GDA: variants seen among roughly 807,000 people sequenced by gnomAD.
GDA encodes cytoplasmic PSD-95 interactor.
In GDA, 18 loss-of-function variants were observed where a neutral mutation model predicts 59.6. That is an observed-to-expected ratio of 0.30 (90% CI 0.21 to 0.45). The LOEUF (loss-of-function observed/expected upper bound fraction) is 0.45, where lower values mean the gene tolerates loss of function less well. Ranked by LOEUF, GDA falls within the 20% of genes least tolerant of loss-of-function variation. The probability of loss-of-function intolerance (pLI) is 1.00; values close to 1 mark genes in which losing one functional copy is unlikely to be tolerated. For missense variants in GDA, 427 were observed against 552.3 expected (o/e 0.77, Z 2.27); for synonymous variants, 201 against 201.1 (o/e 1.00, Z 0.00).
chr9:72,226,190 C>T (rs1349430179), intron 8 of GDA, among the ~76,000 whole-genome samples: 1 of 152,090 alleles, frequency 6.6e-6, no homozygotes, highest in East Asian at 1.9e-4. Flanking sequence ...TAAGAATTCA[C>T]TCTAAGTAAT....
rs551216804 is a variant in GDA, at chr9:72,219,806, A to G, written c.606+300A>G. On this transcript the variant is annotated intron_variant, in intron 6 of 13. Coordinates refer to ENST00000358399, the MANE Select transcript of GDA (RefSeq NM_004293.5). ...TTGATTATTAGAATCAAATTTGTTA[A>G]CACATCTATTCCCACACACGCTGTA... Among the ~76,000 whole-genome samples the G allele has an allele frequency of 2.8e-4, 42 of 152,344 alleles. No individual in the cohort carries two copies. The South Asian group carries it at 2.9e-3, about 11-fold the overall frequency.
At chr9:72,144,548 T>C (rs1489957404), upstream of GDA, among the ~76,000 whole-genome samples, 5 of 152,200 alleles carry the variant, frequency 3.3e-5, no homozygotes. Flanking sequence ...TATCATAATA[T>C]AGATGTCCAA....
intron 1 of GDA, among the ~76,000 whole-genome samples, chr9:72,155,640 G>T (rs1446527134): frequency 2.0e-5 from 3 of 152,156 alleles, no homozygotes; most frequent in African/African-American, 7.2e-5. Flanking sequence ...CGGGGATGGT[G>T]GGATTGTGTC....
chr9:72,226,002 T>C (rs960742518), intron 8 of GDA, among the ~76,000 whole-genome samples: 5 of 150,546 alleles, frequency 3.3e-5, no homozygotes, highest in Admixed American at 3.3e-4. Context: ...TGTGTGTGTG[T>C]GTGTGTGTGT....
intron 2 of GDA, among the ~76,000 whole-genome samples, chr9:72,198,857 A>ATATATATATATATATATATATATATG (rs1833560827): frequency 6.6e-6 from 1 of 150,402 alleles, no homozygotes; most frequent in Non-Finnish European, 1.5e-5. Flanking sequence ...ATATATATAT[A>ATATATATATATATATATATATATATG]TATAAAATTT....
intron 7 of GDA, among the ~76,000 whole-genome samples, chr9:72,223,763 A>G (rs1837200112): frequency 6.6e-6 from 1 of 152,248 alleles, no homozygotes; most frequent in South Asian, 2.1e-4. Context: ...GTTGCAATTT[A>G]GGAATAAAAC....
intron 1 of GDA, among the ~76,000 whole-genome samples, chr9:72,142,619 A>G (rs1193457782): frequency 6.6e-6 from 1 of 152,062 alleles, no homozygotes; most frequent in Non-Finnish European, 1.5e-5. Context: ...GTGACCTTTC[A>G]TCTTGCAGAT....
At chr9:72,254,897 C>T (rs1344731397), downstream of GDA, among the ~76,000 whole-genome samples, 1 of 152,292 alleles carries the variant, frequency 6.6e-6, no homozygotes, top group East Asian at 1.9e-4. Context: ...TTGGTTTCAT[C>T]CACACCTGAG....
At chr9:72,186,458 C>A (rs1831870316) in intron 1 of GDA, among the ~76,000 whole-genome samples, 1 of 152,134 alleles carries the variant, frequency 6.6e-6, no homozygotes, top group South Asian at 2.1e-4. Flanking sequence ...TCTGCTTAAA[C>A]CTCATTCTTC....
chr9:72,162,640 G>A (rs1828774842), intron 1 of GDA, among the ~76,000 whole-genome samples: 1 of 151,042 alleles, frequency 6.6e-6, no homozygotes, highest in African/African-American at 2.5e-5. Context: ...GGTGTCAGAG[G>A]AAGATAGGTC....
At chr9:72,117,435 A>T (rs1216336465) in intron 1 of GDA, among the ~76,000 whole-genome samples, 2 of 152,102 alleles carry the variant, frequency 1.3e-5, no homozygotes, top group Non-Finnish European at 2.9e-5. Context: ...CCCATCTCCC[A>T]ATGAAGAGAC....
chr9:72,222,353 A>G (rs181587764), intron 6 of GDA, among the ~76,000 whole-genome samples: 1 of 152,172 alleles, frequency 6.6e-6, no homozygotes, highest in Non-Finnish European at 1.5e-5. Context: ...GGCTGCATCA[A>G]TCATATGTAA....
chr9:72,208,830 C>T (rs12683149), intron 3 of GDA, among the ~76,000 whole-genome samples: 43,128 of 152,026 alleles, frequency 0.28, 6,402 homozygotes, highest in East Asian at 0.52. Flanking sequence ...TTTTTAATTG[C>T]TAGAACATGA....
chr9:72,121,370 G>T (rs922108175), intron 1 of GDA, among the ~76,000 whole-genome samples: 3 of 152,124 alleles, frequency 2.0e-5, no homozygotes, highest in Non-Finnish European at 4.4e-5. Context: ...AGCCAAAGCG[G>T]GTGGATCACC....
In GDA at chr9:72,181,514, G is replaced by A. The variant is rs185044046; in HGVS notation, c.124-13986G>A. 4.5e-3 allele frequency among the ~76,000 whole-genome samples: 683 copies of A among 152,244 alleles called. 7 individuals are homozygous for A. The highest frequency in any genetic ancestry group is 0.016 in the African/African-American group (645 of 41,562). The stretch of plus-strand genomic sequence containing the variant: ...TAAGTTTTGTATTTTTAGTAGAGAC[G>A]GGGTTTCACCATCTTGGCCAGGCTT... On this transcript the variant is annotated intron_variant, in intron 1 of 13. Coordinates refer to ENST00000358399, the MANE Select transcript of GDA (RefSeq NM_004293.5).
intron 12 of GDA, among the ~76,000 whole-genome samples, chr9:72,247,045 A>G (rs1840211407): frequency 6.6e-6 from 1 of 152,202 alleles, no homozygotes; most frequent in Non-Finnish European, 1.5e-5. Flanking sequence ...CAGAACAACA[A>G]CAACAAAATA....
intron 13 of GDA, 50 bp from the exon 14 acceptor site, chr9:72,248,222 C>T (rs1840349869): frequency 1.6e-6 from 2 of 1,257,582 alleles, no homozygotes; most frequent in South Asian, 1.2e-5. Flanking sequence ...AAGGAAGATA[C>T]TTATTGACAC....
rs181960242 is a variant in GDA at position 72,226,274 on chromosome 9, A to C, written c.822+490A>C. On this transcript the variant is annotated intron_variant, in intron 8 of 13. Coordinates refer to ENST00000358399, the MANE Select transcript of GDA (RefSeq NM_004293.5). ...TGAGGGATTAAATTACAGAGCATAC[A>C]TAGGATTTTATCCAGCATTCACAAA... Among the ~76,000 whole-genome samples, 122 of 152,332 alleles carry C rather than the reference A, an allele frequency of 8.0e-4. 2 individuals carry two copies. Among genetic ancestry groups the C allele is most frequent in the Admixed American group, 7.2e-3 (110 of 15,294 alleles).
At chr9:72,199,427 C>T (rs1833650924) in intron 2 of GDA, among the ~76,000 whole-genome samples, 1 of 152,146 alleles carries the variant, frequency 6.6e-6, no homozygotes, top group African/African-American at 2.4e-5. Flanking sequence ...CTTCTGTTGC[C>T]TCTGAAGACT....
Sources: allele counts gnomAD v4.1 joint callset (sites outside exome capture counted in the v4.1 genomes callset), GRCh38; gene constraint gnomAD v4.1.1; transcripts MANE v1.5; gene names NCBI Gene and HGNC (gene_info 2026-07-23, HGNC 2026-07-21).